Variants in GRB10 observed in about 807,000 individuals in gnomAD.
GRB10 encodes growth factor receptor bound protein 10, also known as growth factor receptor-bound protein 10.
A neutral mutation model predicts 80.9 loss-of-function variants in GRB10; 20 were observed. The observed-to-expected ratio is 0.25, with a 90% CI of 0.17 to 0.36. The LOEUF (loss-of-function observed/expected upper bound fraction) is 0.36. Among genes scored for constraint, GRB10 ranks in the 10% least tolerant of loss-of-function variants. The probability of loss-of-function intolerance (pLI) is 1.00; values close to 1 mark genes in which losing one functional copy is unlikely to be tolerated. For missense variants in GRB10, 548 were observed against 747.7 expected, an observed-to-expected ratio of 0.73 and a Z score of 3.12; for synonymous variants, 291 against 291.5, an observed-to-expected ratio of 1.00 and a Z score of 0.02.
chr7:50,751,670 G>A (rs990881435), intron 3 of GRB10, among the ~76,000 whole-genome samples: 8 of 152,162 alleles, frequency 5.3e-5, no homozygotes, highest in Non-Finnish European at 8.8e-5. Context: ...AAATGCATCC[G>A]TTTGCACATT....
chr7:50,597,422 G>T (rs2046860649), intron 17 of GRB10, among the ~76,000 whole-genome samples: 1 of 149,340 alleles, frequency 6.7e-6, no homozygotes, highest in Non-Finnish European at 1.5e-5. Flanking sequence ...ATGCTGGGCA[G>T]CTGTGCCCAC....
intron 8 of GRB10, among the ~76,000 whole-genome samples, chr7:50,623,715 T>C (rs2052328320): frequency 6.6e-6 from 1 of 152,226 alleles, no homozygotes; most frequent in Non-Finnish European, 1.5e-5. Flanking sequence ...CTTCTGGGTA[T>C]AGAAAAGGTT....
At position 50,665,309 on chromosome 7, in the gene GRB10, C is replaced by T. The variant is rs1349703567; in HGVS notation, c.504+4413G>A. 6.6e-5 allele frequency among the ~76,000 whole-genome samples: 10 copies of T among 152,248 alleles called. No individual in the cohort carries two copies. The East Asian group carries it at 1.9e-3, about 29-fold the overall frequency. On this transcript the variant is annotated intron_variant, in intron 7 of 18. Coordinates refer to ENST00000401949, the MANE Select transcript of GRB10 (RefSeq NM_001350814.2). ...CAGGTAAACGCAAGACCAATAGACTCTGGCTTAAATATTAACAAGCCAAAA... is the reference window on the plus strand; with the variant it reads ...CAGGTAAACGCAAGACCAATAGACTTTGGCTTAAATATTAACAAGCCAAAA...
rs563311923 is a variant in GRB10, at chr7:50,728,195, AT to A, written c.51+4076del. Among the ~76,000 whole-genome samples the A allele has an allele frequency of 1.8e-3, 229 of 126,464 alleles. 5 individuals are homozygous for A. The South Asian group carries it at 0.064, about 36-fold the overall frequency. 83.0% of individuals were successfully genotyped at this position (126,464 alleles called of 152,430 possible). On this transcript the variant is annotated intron_variant, in intron 4 of 18. Coordinates refer to ENST00000401949, the MANE Select transcript of GRB10 (RefSeq NM_001350814.2). ...CTTAAAGAAAATGTAGTCTAATAAA[AT>A]GTTCTTTAGCCAAAGTATGGGGGGG...
At chr7:50,772,240 G>A (rs2077048989) in intron 2 of GRB10, among the ~76,000 whole-genome samples, 1 of 152,056 alleles carries the variant, frequency 6.6e-6, no homozygotes, top group Non-Finnish European at 1.5e-5. Context: ...ACCACAAAAT[G>A]GCCACTAGGT....
chr7:50,704,334 T>C (rs952246595), intron 4 of GRB10, among the ~76,000 whole-genome samples: 4 of 152,254 alleles, frequency 2.6e-5, no homozygotes, highest in Non-Finnish European at 4.4e-5. Context: ...AATGGTTCCC[T>C]CTACAAAATG....
chr7:50,628,046 G>A (rs972161909), intron 7 of GRB10, among the ~76,000 whole-genome samples: 2 of 152,154 alleles, frequency 1.3e-5, no homozygotes, highest in Non-Finnish European at 2.9e-5. Context: ...ACAAGACCCG[G>A]ACTTGGGGGT....
At chr7:50,602,481 C>T (rs1393736215) in intron 17 of GRB10, among the ~76,000 whole-genome samples, 6 of 152,214 alleles carry the variant, frequency 3.9e-5, no homozygotes, top group African/African-American at 1.2e-4. Flanking sequence ...ATGACCACCA[C>T]TCCCCAGGAA....
chr7:50,616,406 C>T (rs971777899), intron 10 of GRB10, 59 bp from the exon 11 acceptor site: 1 of 1,488,438 alleles, frequency 6.7e-7, no homozygotes, highest in Non-Finnish European at 9.3e-7. Flanking sequence ...TTAAAGCAGA[C>T]ATGTTATCAG....
intron 3 of GRB10, chr7:50,747,677 C>G (rs1026846119): frequency 1.3e-5 from 2 of 152,250 alleles, no homozygotes; most frequent in Admixed American, 1.3e-4. Context: ...CTGCTGAAAA[C>G]AGGCCGCCTG....
rs144116422 is a variant in GRB10, at chr7:50,737,280, C to T, written c.-46-4912G>A. On this transcript the variant is annotated intron_variant, in intron 3 of 18. Coordinates refer to ENST00000401949, the MANE Select transcript of GRB10 (RefSeq NM_001350814.2). ...GGATCATGGGGGTGGTTTCTAACGG[C>T]GTAACACCATCCCCCTAGTGCTATC... is the stretch of plus-strand genomic sequence containing the variant. 6.1e-3 allele frequency among the ~76,000 whole-genome samples: 923 copies of T among 152,314 alleles called. 9 individuals carry two copies. Among genetic ancestry groups the T allele is most frequent in the Admixed American group, 0.012 (177 of 15,304 alleles).
chr7:50,730,048 C>A (rs758549193), intron 4 of GRB10, among the ~76,000 whole-genome samples: 2 of 152,154 alleles, frequency 1.3e-5, no homozygotes, highest in Non-Finnish European at 1.5e-5. Context: ...TACCACTAAC[C>A]CTTTTCTACC....
At chr7:50,636,999 G>C (rs768915496) in intron 7 of GRB10, among the ~76,000 whole-genome samples, 1 of 152,058 alleles carries the variant, frequency 6.6e-6, no homozygotes, top group African/African-American at 2.4e-5. Flanking sequence ...TTGTTTTTTG[G>C]TAGGGTCTGG....
At chr7:50,604,585 C>G (rs1288158938) in intron 15 of GRB10, among the ~76,000 whole-genome samples, 1 of 152,072 alleles carries the variant, frequency 6.6e-6, no homozygotes, top group Non-Finnish European at 1.5e-5. Context: ...TCTCTAGTAG[C>G]CCCAGTATCG....
chr7:50,662,905 A>G (rs966940015), intron 7 of GRB10, among the ~76,000 whole-genome samples: 1 of 152,204 alleles, frequency 6.6e-6, no homozygotes, highest in African/African-American at 2.4e-5. Flanking sequence ...CTTTCAGGTG[A>G]TGCTCTTACA....
At position 50,758,029 on chromosome 7, in the gene GRB10, A is replaced by G. The variant is rs567955843; in HGVS notation, c.-216-1973T>C. ...CTTCATCCATTTTTGTCTATTTTCT[A>G]GGAAGTTGATATTAGTCTTTACAGT... On this transcript the variant is annotated intron_variant, in intron 2 of 18. Transcript: ENST00000401949. Among the ~76,000 whole-genome samples, 6 of 152,350 alleles carry G rather than the reference A, an allele frequency of 3.9e-5. No homozygotes were observed. The East Asian group carries it at 1.2e-3, about 29-fold the overall frequency.
chr7:50,679,480 T>G (rs2061325363), intron 5 of GRB10, among the ~76,000 whole-genome samples: 1 of 152,192 alleles, frequency 6.6e-6, no homozygotes. Flanking sequence ...GTTTAGGGAT[T>G]AAAGATGACA....
chr7:50,593,302 C>A (rs111503501), intron 18 of GRB10, among the ~76,000 whole-genome samples: 1 of 152,278 alleles, frequency 6.6e-6, no homozygotes, highest in Non-Finnish European at 1.5e-5. Flanking sequence ...GAGCGAGGGA[C>A]AGACTTTGGG....
At chr7:50,700,991 T>C (rs1258071880) in intron 5 of GRB10, among the ~76,000 whole-genome samples, 2 of 152,228 alleles carry the variant, frequency 1.3e-5, no homozygotes, top group Admixed American at 6.5e-5. Context: ...CGAATTGACT[T>C]GGAATTACTC....
Sources: gnomAD v4.1 joint callset for allele counts (sites outside exome capture counted in the v4.1 genomes callset) on GRCh38, gnomAD v4.1.1 for gene constraint, MANE v1.5 for transcripts, NCBI Gene and HGNC (gene_info 2026-07-23, HGNC 2026-07-21) for gene names.